Variants in EXOC2 observed in about 807,000 individuals in gnomAD.
EXOC2 encodes SEC5-like 1.
A neutral mutation model predicts 131.8 loss-of-function variants in EXOC2; 70 were observed. The observed-to-expected ratio is 0.53, with a 90% confidence interval of 0.44 to 0.65. EXOC2 has a LOEUF of 0.65. Ranked by LOEUF, EXOC2 falls within the 30% of genes least tolerant of loss-of-function variation. The probability of loss-of-function intolerance (pLI) is 0.00; values close to 1 mark genes in which losing one functional copy is unlikely to be tolerated. For synonymous variants in EXOC2, 411 were observed against 398.4 expected, an observed-to-expected ratio of 1.03 and a Z score of -0.38; for missense variants, 923 against 1,108.6, an observed-to-expected ratio of 0.83 and a Z score of 2.38.
At chr6:640,507 T>C (rs1762306499) in intron 1 of EXOC2, among the ~76,000 whole-genome samples, 1 of 152,208 alleles carries the variant, frequency 6.6e-6, no homozygotes, top group Non-Finnish European at 1.5e-5. Context: ...AAATTTCATA[T>C]GTTAAACCCA....
intron 10 of EXOC2, among the ~76,000 whole-genome samples, chr6:596,151 C>A (rs1370466945): frequency 2.6e-5 from 4 of 151,860 alleles, no homozygotes; most frequent in Non-Finnish European, 5.9e-5. Context: ...GCATGCTGCA[C>A]ACGTGCAGGG....
intron 5 of EXOC2, among the ~76,000 whole-genome samples, chr6:618,378 A>G (rs954879364): frequency 3.9e-5 from 6 of 152,324 alleles, no homozygotes; most frequent in Middle Eastern, 3.4e-3. Flanking sequence ...ACAATATCTC[A>G]TCTCAATATC....
chr6:563,049 T>C (rs1166489437), intron 16 of EXOC2, among the ~76,000 whole-genome samples: 1 of 152,260 alleles, frequency 6.6e-6, no homozygotes, highest in Non-Finnish European at 1.5e-5. Flanking sequence ...AAGATATTAA[T>C]GTGAATAAAA....
chr6:659,621 G>A (rs565281345), intron 1 of EXOC2, among the ~76,000 whole-genome samples: 10 of 152,306 alleles, frequency 6.6e-5, no homozygotes, highest in South Asian at 2.1e-4. Context: ...GTCTGTTTGC[G>A]GGAGAAGTTT....
intron 10 of EXOC2, among the ~76,000 whole-genome samples, chr6:597,491 CA>C (rs539626388): frequency 1.3e-5 from 2 of 152,144 alleles, no homozygotes; most frequent in Non-Finnish European, 2.9e-5. Flanking sequence ...AATATTACTG[CA>C]ATTTTTTAAA....
At position 637,850 on chromosome 6, in the gene EXOC2, T is replaced by TA. The variant is rs772028353; in HGVS notation, c.-33dup. 5.7e-6 allele frequency: 9 copies of TA among 1,589,962 alleles called. 1 individual carries two copies. The South Asian group carries it at 1.0e-4, about 18-fold the overall frequency. ...TTGTGGAGCAAACTGGTGATCCTGT[T>TA]AGAGAAGTAATCTGTTAAAAGAGAA... On this transcript the variant is annotated 5_prime_UTR_variant, in exon 2 of 28. Coordinates refer to ENST00000230449, the MANE Select transcript of EXOC2 (RefSeq NM_018303.6).
intron 1 of EXOC2, among the ~76,000 whole-genome samples, chr6:691,309 CA>C (rs1280005984): frequency 6.6e-6 from 1 of 152,088 alleles, no homozygotes; most frequent in African/African-American, 2.4e-5. Flanking sequence ...GAGACAGATC[CA>C]CTTATACACG....
At chr6:505,332 G>T (rs1033831166) in intron 23 of EXOC2, among the ~76,000 whole-genome samples, 1 of 152,168 alleles carries the variant, frequency 6.6e-6, no homozygotes, top group African/African-American at 2.4e-5. Context: ...GATGGCTGGG[G>T]AAGACTTTGC....
At chr6:634,226 C>T (rs1056587845) in intron 2 of EXOC2, among the ~76,000 whole-genome samples, 5 of 152,024 alleles carry the variant, frequency 3.3e-5, no homozygotes, top group African/African-American at 1.2e-4. Context: ...CCACCACGCT[C>T]GGCTAGTTTT....
At chr6:623,681 C>A (rs929373398) in intron 4 of EXOC2, among the ~76,000 whole-genome samples, 1 of 152,178 alleles carries the variant, frequency 6.6e-6, no homozygotes, top group African/African-American at 2.4e-5. Context: ...TGCCCCTTAA[C>A]TGGGGAGAGA....
At chr6:595,736 G>C (rs1759776852) in intron 10 of EXOC2, among the ~76,000 whole-genome samples, 2 of 152,002 alleles carry the variant, frequency 1.3e-5, no homozygotes, top group South Asian at 4.1e-4. Context: ...AATATACAAA[G>C]CACACGCAGT....
At chr6:495,711 A>C (rs1395354720) in intron 25 of EXOC2, among the ~76,000 whole-genome samples, 1 of 152,060 alleles carries the variant, frequency 6.6e-6, no homozygotes, top group Non-Finnish European at 1.5e-5. Context: ...GTCAGTCTTT[A>C]ATTTTTATCC....
intron 4 of EXOC2, among the ~76,000 whole-genome samples, chr6:628,028 T>C (rs1761666321): frequency 6.6e-6 from 1 of 152,182 alleles, no homozygotes; most frequent in African/African-American, 2.4e-5. Context: ...CAATGAATAG[T>C]ATATATCCAA....
chr6:594,476 T>C (rs975395678), intron 10 of EXOC2, among the ~76,000 whole-genome samples: 2 of 152,204 alleles, frequency 1.3e-5, no homozygotes, highest in South Asian at 2.1e-4. Flanking sequence ...TTGGTGTTAG[T>C]AGTAAAATAA....
chr6:593,296 T>A lies in EXOC2; in HGVS notation c.1074-709A>T, dbSNP rs1053714792. Among the ~76,000 whole-genome samples, 88 of 152,260 alleles carry A rather than the reference T, an allele frequency of 5.8e-4. No homozygotes were observed. The East Asian group carries it at 6.2e-3, about 11-fold the overall frequency. Reference sequence around the variant, plus strand: ...TACTTTTAAAATTTCAGATGTTTTTTAATTCCTTTCTGATATGAAATATGG... The same window carrying A: ...TACTTTTAAAATTTCAGATGTTTTTAAATTCCTTTCTGATATGAAATATGG... On this transcript the variant is annotated intron_variant, in intron 10 of 27. Transcript: ENST00000230449.
intron 1 of EXOC2, among the ~76,000 whole-genome samples, chr6:655,641 G>C (rs1763038652): frequency 6.6e-6 from 1 of 152,130 alleles, no homozygotes; most frequent in African/African-American, 2.4e-5. Flanking sequence ...GCTTAACAAA[G>C]AATATGTAAT....
rs1356752873 is a variant in EXOC2 at position 588,453 on chromosome 6, A to G, written c.1192+4016T>C. Among the ~76,000 whole-genome samples, 5 of 152,110 alleles carry G rather than the reference A, an allele frequency of 3.3e-5. No homozygotes were observed. In the East Asian group the frequency reaches 9.6e-4, roughly 29 times the overall value. ...CCATAACCTCTGCCTCCTGGGTTCA[A>G]GTGATTCTCCTGCCTCAGCCTCCTG... is the stretch of plus-strand genomic sequence containing the variant. On this transcript the variant is annotated intron_variant, in intron 11 of 27. Transcript: ENST00000230449.
At chr6:527,062 G>T (rs188966565) in intron 23 of EXOC2, among the ~76,000 whole-genome samples, 1 of 152,276 alleles carries the variant, frequency 6.6e-6, no homozygotes, top group East Asian at 1.9e-4. Flanking sequence ...GTATATAAAT[G>T]CATGTATAAG....
chr6:654,211 G>A (rs1762954962), intron 1 of EXOC2, among the ~76,000 whole-genome samples: 1 of 152,176 alleles, frequency 6.6e-6, no homozygotes, highest in African/African-American at 2.4e-5. Flanking sequence ...GGATCAAGGA[G>A]TAATTTCATC....
Sources: gnomAD v4.1 joint callset for allele counts (sites outside exome capture counted in the v4.1 genomes callset) on GRCh38, gnomAD v4.1.1 for gene constraint, MANE v1.5 for transcripts, NCBI Gene and HGNC (gene_info 2026-07-23, HGNC 2026-07-21) for gene names.